The following FAM13A variants were observed in gnomAD, a reference collection of about 807,000 sequenced individuals.
The protein encoded by FAM13A is family with sequence similarity 13 member A, also known as protein FAM13A.
FAM13A carries 76 observed loss-of-function variants against 129.6 expected under a neutral mutation model. The ratio of observed to expected loss-of-function variants is 0.59; its 90% confidence interval spans 0.49 to 0.71. The LOEUF (loss-of-function observed/expected upper bound fraction) is 0.71. Among genes scored for constraint, FAM13A ranks in the 30% least tolerant of loss-of-function variants. The pLI is 0.00. For missense variants in FAM13A, 1,108 were observed against 1,249.3 expected, an observed-to-expected ratio of 0.89 and a Z score of 1.70; for synonymous variants, 443 against 449.9, an observed-to-expected ratio of 0.98 and a Z score of 0.20.
At chr4:88,986,560 T>C (rs919539138) in intron 4 of FAM13A, among the ~76,000 whole-genome samples, 3 of 152,248 alleles carry the variant, frequency 2.0e-5, no homozygotes, top group Non-Finnish European at 4.4e-5. Flanking sequence ...ATATGCCAAA[T>C]GGCGAAGACA....
intron 14 of FAM13A, among the ~76,000 whole-genome samples, chr4:88,756,706 T>C (rs1743721349): frequency 6.6e-6 from 1 of 152,126 alleles, no homozygotes; most frequent in Admixed American, 6.5e-5. Context: ...ATTTTAGCTA[T>C]AAAAAAAGGT....
At chr4:88,934,966 G>A (rs1753616300) in intron 5 of FAM13A, among the ~76,000 whole-genome samples, 1 of 152,196 alleles carries the variant, frequency 6.6e-6, no homozygotes. Context: ...GCAGAATCTG[G>A]AAAAACTCTG....
chr4:88,933,720 T>C (rs1753406677), intron 5 of FAM13A, among the ~76,000 whole-genome samples: 1 of 152,180 alleles, frequency 6.6e-6, no homozygotes, highest in African/African-American at 2.4e-5. Flanking sequence ...TTCATTACCA[T>C]CATCCATGCC....
intron 10 of FAM13A, 61 bp from the exon 11 acceptor site, chr4:88,781,412 T>G: frequency 8.6e-7 from 1 of 1,167,750 alleles, no homozygotes; most frequent in Non-Finnish European, 1.2e-6. Flanking sequence ...TGAATGATAC[T>G]CTAACTACAT....
At chr4:88,849,002 T>C (rs1737123703) in intron 7 of FAM13A, among the ~76,000 whole-genome samples, 1 of 152,240 alleles carries the variant, frequency 6.6e-6, no homozygotes, top group Non-Finnish European at 1.5e-5. Context: ...CCCTGCCTGA[T>C]AAACTCATAT....
chr4:88,913,676 G>A (rs1266762052), intron 5 of FAM13A, among the ~76,000 whole-genome samples: 1 of 152,224 alleles, frequency 6.6e-6, no homozygotes, highest in Non-Finnish European at 1.5e-5. Context: ...ATAAATGTGT[G>A]TTGAATAAAT....
chr4:88,949,144 G>A (rs774292989), intron 4 of FAM13A, among the ~76,000 whole-genome samples: 4 of 151,976 alleles, frequency 2.6e-5, no homozygotes, highest in Non-Finnish European at 5.9e-5. Flanking sequence ...CAATGATGAC[G>A]TTTATGTGTA....
At chr4:88,942,515 C>A (rs145913813) in intron 4 of FAM13A, among the ~76,000 whole-genome samples, 1 of 151,418 alleles carries the variant, frequency 6.6e-6, no homozygotes, top group South Asian at 2.1e-4. Flanking sequence ...TGCAGTGAGC[C>A]GAGATCACGC....
intron 5 of FAM13A, among the ~76,000 whole-genome samples, chr4:88,915,663 A>T (rs553365086): frequency 5.9e-4 from 90 of 152,282 alleles, no homozygotes; most frequent in Non-Finnish European, 1.2e-3. Context: ...AATTAAATCA[A>T]ACTTCATTGT....
intron 7 of FAM13A, among the ~76,000 whole-genome samples, chr4:88,833,144 C>T (rs1734192502): frequency 6.6e-6 from 1 of 152,050 alleles, no homozygotes; most frequent in South Asian, 2.1e-4. Context: ...AAATCAAATA[C>T]CAAATGTTCT....
intron 5 of FAM13A, among the ~76,000 whole-genome samples, chr4:88,912,417 G>A (rs1749215916): frequency 6.6e-6 from 1 of 152,050 alleles, no homozygotes; most frequent in African/African-American, 2.4e-5. Context: ...CAGCTTCCCA[G>A]CCACTCAAGA....
intron 11 of FAM13A, among the ~76,000 whole-genome samples, chr4:88,769,616 G>C (rs186851424): frequency 1.1e-4 from 17 of 152,066 alleles, no homozygotes; most frequent in Non-Finnish European, 1.6e-4. Flanking sequence ...GGCAGATCAC[G>C]AGGTCAAGAG....
intron 21 of FAM13A, among the ~76,000 whole-genome samples, chr4:88,735,294 A>T (rs1279335444): frequency 6.6e-6 from 1 of 152,252 alleles, no homozygotes; most frequent in Non-Finnish European, 1.5e-5. Context: ...TATTTATCAA[A>T]CCTATACATT....
In FAM13A at chr4:88,747,717, T is replaced by C; in HGVS notation, c.2296A>G (p.Lys766Glu). 1 of 1,614,204 alleles carries C rather than the reference T, an allele frequency of 6.2e-7. No individual in the cohort carries two copies. Residue 766 changes from lysine (K) to glutamate (E), a missense_variant, in exon 18 of 24, where the codon AAG becomes GAG. Coordinates refer to ENST00000264344, the MANE Select transcript of FAM13A (RefSeq NM_014883.4). ...TCCAATGTGGCTTCAACACTGGGCT[T>C]TATTGCTTTATCCACCAGCTCTTGC... ...KKQELVDKAI[K>E]PSVEATLESI...
chr4:89,031,268 T>TA (rs1221885015), intron 1 of FAM13A, among the ~76,000 whole-genome samples: 3 of 151,608 alleles, frequency 2.0e-5, no homozygotes, highest in Non-Finnish European at 4.4e-5. Flanking sequence ...TAACAAAACT[T>TA]AAAAAAAAAT....
At chr4:88,834,293 G>GTCATTCA (rs1184816716) in intron 7 of FAM13A, among the ~76,000 whole-genome samples, 1 of 150,998 alleles carries the variant, frequency 6.6e-6, no homozygotes, top group Non-Finnish European at 1.5e-5. Context: ...TTTTCTTAGT[G>GTCATTCA]TCATTCATGT....
chr4:88,912,690 G>A (rs916079908), intron 5 of FAM13A, among the ~76,000 whole-genome samples: 1 of 151,996 alleles, frequency 6.6e-6, no homozygotes, highest in Non-Finnish European at 1.5e-5. Flanking sequence ...CATACAGTTG[G>A]CTGCTGCTCC....
intron 7 of FAM13A, among the ~76,000 whole-genome samples, chr4:88,808,292 A>G (rs1161532890): frequency 6.6e-6 from 1 of 152,156 alleles, no homozygotes; most frequent in Non-Finnish European, 1.5e-5. Context: ...ATGGCCACGG[A>G]CAATTCTTCC....
At chr4:88,923,502 AC>A (rs1401590260) in intron 5 of FAM13A, among the ~76,000 whole-genome samples, 3 of 152,118 alleles carry the variant, frequency 2.0e-5, no homozygotes, top group African/African-American at 7.2e-5. Context: ...AAATTCAACA[AC>A]CCTTCATGCT....
Sources: gnomAD v4.1 joint callset for allele counts (sites outside exome capture counted in the v4.1 genomes callset) on GRCh38, gnomAD v4.1.1 for gene constraint, MANE v1.5 for transcripts, NCBI Gene and HGNC (gene_info 2026-07-23, HGNC 2026-07-21) for gene names.